Variants in MFSD11 observed in about 807,000 individuals in gnomAD.
The protein encoded by MFSD11 is UNC93-like protein MFSD11.
Under a neutral mutation model 53.5 loss-of-function variants are expected in MFSD11, and 36 were observed. The ratio of observed to expected loss-of-function variants is 0.67; its 90% CI spans 0.52 to 0.89. The LOEUF (loss-of-function observed/expected upper bound fraction) is 0.89. Ranked by LOEUF, MFSD11 falls within the 40% of genes least tolerant of loss-of-function variation. The pLI, the probability that MFSD11 is intolerant of heterozygous loss-of-function variation, is 0.00. For synonymous variants in MFSD11, 186 were observed against 184.9 expected, an observed-to-expected ratio of 1.01 and a Z score of -0.05; for missense variants, 530 against 543.9, an observed-to-expected ratio of 0.97 and a Z score of 0.25.
chr17:76,769,070 A>G (rs949661444), intron 9 of MFSD11: 3 of 152,184 alleles, frequency 2.0e-5, no homozygotes, highest in African/African-American at 7.2e-5. Flanking sequence ...CACTGTTACA[A>G]AGTTATGTTA....
chr17:76,749,033 A>G (rs1310789194), intron 7 of MFSD11, among the ~76,000 whole-genome samples: 1 of 152,222 alleles, frequency 6.6e-6, no homozygotes, highest in African/African-American at 2.4e-5. Context: ...TGACAGAGAG[A>G]AAAGAAACAG....
chr17:76,774,337 C>T (rs1160517017), intron 10 of MFSD11, among the ~76,000 whole-genome samples: 2 of 152,198 alleles, frequency 1.3e-5, no homozygotes, highest in African/African-American at 2.4e-5. Context: ...AATTCTCCCA[C>T]CTTGGCCTCC....
chr17:76,760,654 C>T (rs2080134657), intron 8 of MFSD11, among the ~76,000 whole-genome samples: 1 of 151,948 alleles, frequency 6.6e-6, no homozygotes. Flanking sequence ...CCTCAGGCTC[C>T]TGAGTAGCTG....
rs1464061949 is a variant in MFSD11 at position 76,755,830 on chromosome 17, T to A, written c.682+1743T>A. On this transcript the variant is annotated intron_variant, in intron 8 of 12. Transcript: ENST00000685175. ...TATATATATTTTTTTTTTTTTTTTT[T>A]TTTTTTTTTTGAGATGGAGTTTTGC... is the stretch of plus-strand genomic sequence containing the variant. Among the ~76,000 whole-genome samples the A allele has an allele frequency of 6.8e-4, 50 of 73,706 alleles. 2 individuals are homozygous for A. Among genetic ancestry groups the A allele is most frequent in the African/African-American group, 2.3e-3 (49 of 21,636 alleles). The allele number at this position is 73,706 out of a possible 152,430, so 48.4% of individuals were successfully genotyped here.
intron 1 of MFSD11, among the ~76,000 whole-genome samples, 155 bp from the exon 2 acceptor site, chr17:76,738,783 C>T (rs2077756700): frequency 6.6e-6 from 1 of 152,208 alleles, no homozygotes; most frequent in African/African-American, 2.4e-5. Flanking sequence ...TTCTGCAGTT[C>T]TGTTGTCCTT....
chr17:76,772,702 GA>G (rs2081478284), intron 10 of MFSD11, among the ~76,000 whole-genome samples: 1 of 151,762 alleles, frequency 6.6e-6, no homozygotes, highest in Admixed American at 6.6e-5. Flanking sequence ...ATTTTTAGTA[GA>G]GATGGGGTTT....
intron 9 of MFSD11, chr17:76,769,271 G>A (rs2144784871): frequency 6.5e-6 from 1 of 154,142 alleles, no homozygotes; most frequent in African/African-American, 2.4e-5. Flanking sequence ...ATTTCTCACA[G>A]TTCTGGAGGC....
At position 76,748,793 on chromosome 17, in the gene MFSD11, CCTT is replaced by C. The variant is rs1210534821; in HGVS notation, c.641+4330_641+4332del. 3.9e-5 allele frequency among the ~76,000 whole-genome samples: 6 copies of C among 152,178 alleles called. No individual in the cohort carries two copies. In the East Asian group the frequency reaches 9.6e-4, roughly 24 times the overall value. On this transcript the variant is annotated intron_variant, in intron 7 of 12. Coordinates refer to ENST00000685175, the MANE Select transcript of MFSD11 (RefSeq NM_001242532.5). ...CTTCATTGGCAGTTACTTCTATCCTCCTTCTCCCCTCCTCCCTGTATTCTTTCC... is the reference window on the plus strand; with the variant it reads ...CTTCATTGGCAGTTACTTCTATCCTCCTCCCCTCCTCCCTGTATTCTTTCC...
At chr17:76,802,283 A>G in the MFSD11 span, among the ~76,000 whole-genome samples, 7 of 152,128 alleles carry the variant, frequency 4.6e-5, no homozygotes, top group Non-Finnish European at 1.0e-4. Flanking sequence ...AAACAACAAC[A>G]ACAAAAACAA....
Position 76,739,012 on chromosome 17 carries a change from G to C in MFSD11, c.152+19G>C. On this transcript the variant is annotated intron_variant, in intron 2 of 12. Coordinates refer to ENST00000685175, the MANE Select transcript of MFSD11 (RefSeq NM_001242532.5). ...ATACCAGGTATTGTACCGTATGATT[G>C]ATTTTGCTTTATATTTGACAGTAGT... is the stretch of plus-strand genomic sequence containing the variant. The C allele has an allele frequency of 6.2e-7, 1 of 1,604,034 alleles. No individual in the cohort carries two copies. The highest frequency in any genetic ancestry group is 8.5e-7 in the Non-Finnish European group (1 of 1,171,434).
chr17:76,739,964 A>G (rs2077897359), intron 2 of MFSD11, among the ~76,000 whole-genome samples: 1 of 151,932 alleles, frequency 6.6e-6, no homozygotes, highest in Admixed American at 6.6e-5. Context: ...CAGGAGATCT[A>G]GACCATCGTG....
intron 8 of MFSD11, among the ~76,000 whole-genome samples, chr17:76,759,756 CTTTTTTTTTTTTTTTT>C (rs1159131964): frequency 3.3e-4 from 9 of 27,014 alleles, no homozygotes; most frequent in South Asian, 1.3e-3. Context: ...CGTGACCGGC[CTTTTTTTTTTTTTTTT>C]TTTTTTTTTT....
the MFSD11 span, among the ~76,000 whole-genome samples, chr17:76,798,080 G>T: frequency 3.3e-5 from 5 of 151,198 alleles, no homozygotes; most frequent in Non-Finnish European, 7.4e-5. Context: ...TAGAGATGGG[G>T]TCTCACTATG....
intron 2 of MFSD11, 93 bp from the exon 3 acceptor site, chr17:76,740,864 A>G (rs2078006168): frequency 1.4e-6 from 1 of 738,120 alleles, no homozygotes; most frequent in Non-Finnish European, 2.3e-6. Context: ...TTTATTGTAA[A>G]ATCTATAAAC....
At chr17:76,755,782 G>GTATATA (rs1234863900) in intron 8 of MFSD11, among the ~76,000 whole-genome samples, 1 of 29,152 alleles carries the variant, frequency 3.4e-5, no homozygotes, top group South Asian at 2.0e-3. Flanking sequence ...GTGTGTGTGT[G>GTATATA]TGTGTATACA....
At chr17:76,749,352 C>T (rs939292507) in intron 7 of MFSD11, among the ~76,000 whole-genome samples, 1 of 151,120 alleles carries the variant, frequency 6.6e-6, no homozygotes, top group Non-Finnish European at 1.5e-5. Context: ...GGCGAAACAC[C>T]ATCTCTACCA....
At chr17:76,778,001 G>C (rs898466232) in intron 12 of MFSD11, among the ~76,000 whole-genome samples, 187 bp from the exon 13 acceptor site, 7 of 152,134 alleles carry the variant, frequency 4.6e-5, no homozygotes, top group African/African-American at 1.7e-4. Flanking sequence ...ACCAGGAACT[G>C]TGGCAGGAGT....
chr17:76,773,571 T>G (rs915440378), intron 10 of MFSD11, among the ~76,000 whole-genome samples: 2 of 152,092 alleles, frequency 1.3e-5, no homozygotes, highest in Admixed American at 1.3e-4. Flanking sequence ...CTAGGCAGGG[T>G]TTTTTTGTTT....
the MFSD11 span, among the ~76,000 whole-genome samples, chr17:76,800,947 C>T: frequency 3.3e-5 from 5 of 151,938 alleles, no homozygotes; most frequent in East Asian, 1.9e-4. Context: ...CGCAGCAGCA[C>T]GTGCCTGTGA....
Sources: gnomAD v4.1 joint callset for allele counts (sites outside exome capture counted in the v4.1 genomes callset) on GRCh38, gnomAD v4.1.1 for gene constraint, MANE v1.5 for transcripts, NCBI Gene and HGNC (gene_info 2026-07-23, HGNC 2026-07-21) for gene names.